The following SRPK2 variants were observed in gnomAD, a reference collection of about 807,000 sequenced individuals.
SRPK2 encodes SRSF protein kinase 2.
In SRPK2, 21 loss-of-function variants were observed where a neutral mutation model predicts 90.8. That is an observed-to-expected ratio of 0.23 (90% CI 0.16 to 0.33). The LOEUF (loss-of-function observed/expected upper bound fraction) is 0.33, where lower values mean the gene tolerates loss of function less well. Ranked by LOEUF, SRPK2 falls within the 10% of genes least tolerant of loss-of-function variation. The pLI, the probability that SRPK2 is intolerant of heterozygous loss-of-function variation, is 1.00. For missense variants in SRPK2, 620 were observed against 869.0 expected, an observed-to-expected ratio of 0.71 and a Z score of 3.60; for synonymous variants, 288 against 311.1, an observed-to-expected ratio of 0.93 and a Z score of 0.78.
chr7:105,333,080 G>A (rs1391358756), intron 2 of SRPK2, among the ~76,000 whole-genome samples: 1 of 152,128 alleles, frequency 6.6e-6, no homozygotes, highest in Non-Finnish European at 1.5e-5. Context: ...TGTAATCCCA[G>A]CCACTTGGGA....
intron 2 of SRPK2, among the ~76,000 whole-genome samples, chr7:105,383,454 TC>T (rs1821190909): frequency 6.6e-6 from 1 of 151,376 alleles, no homozygotes; most frequent in African/African-American, 2.4e-5. Flanking sequence ...GGAGTGTCGC[TC>T]TGTCACCCAG....
At chr7:105,298,088 T>C (rs1810082374) in intron 2 of SRPK2, among the ~76,000 whole-genome samples, 1 of 152,154 alleles carries the variant, frequency 6.6e-6, no homozygotes, top group African/African-American at 2.4e-5. Flanking sequence ...TTCAGCTGGG[T>C]AAGTTTTGAC....
chr7:105,381,716 C>T (rs553470402), intron 2 of SRPK2, among the ~76,000 whole-genome samples: 2 of 151,974 alleles, frequency 1.3e-5, no homozygotes, highest in Non-Finnish European at 2.9e-5. Context: ...GTTGAATAAA[C>T]AAATGTGTAA....
intron 2 of SRPK2, chr7:105,301,641 T>A (rs1346984720): frequency 1.2e-6 from 2 of 1,611,348 alleles, no homozygotes; most frequent in Non-Finnish European, 1.7e-6. Flanking sequence ...AAAATGGTGA[T>A]CCCAAAGCCT....
intron 2 of SRPK2, among the ~76,000 whole-genome samples, chr7:105,228,972 G>A (rs1799079441): frequency 1.3e-5 from 2 of 152,170 alleles, no homozygotes; most frequent in Admixed American, 6.5e-5. Context: ...GCTCACAATA[G>A]TAGTGGTCTC....
chr7:105,227,089 C>T (rs902936998), intron 2 of SRPK2, among the ~76,000 whole-genome samples: 1 of 152,196 alleles, frequency 6.6e-6, no homozygotes, highest in Non-Finnish European at 1.5e-5. Context: ...CCATAAAACA[C>T]TGCTTGGTCC....
chr7:105,386,042 T>C (rs936064941), intron 2 of SRPK2, among the ~76,000 whole-genome samples: 1 of 151,994 alleles, frequency 6.6e-6, no homozygotes. Flanking sequence ...CGGCCGGGCT[T>C]GGTGGCTCAC....
chr7:105,231,939 C>T (rs912701815), intron 2 of SRPK2, among the ~76,000 whole-genome samples: 4 of 152,174 alleles, frequency 2.6e-5, no homozygotes, highest in African/African-American at 9.7e-5. Context: ...CTCACTGTAA[C>T]CTTGAACTCC....
intron 2 of SRPK2, among the ~76,000 whole-genome samples, chr7:105,243,021 T>C (rs1416269754): frequency 6.6e-6 from 1 of 152,164 alleles, no homozygotes; most frequent in African/African-American, 2.4e-5. Context: ...ATTCTTCTTC[T>C]TCCTTTTTAG....
intron 2 of SRPK2, among the ~76,000 whole-genome samples, chr7:105,334,528 T>C (rs564898547): frequency 9.2e-5 from 14 of 152,128 alleles, no homozygotes; most frequent in African/African-American, 3.4e-4. Context: ...GCCCTGATGT[T>C]TCTGGTATTA....
At chr7:105,259,231 T>C (rs1803828704) in intron 2 of SRPK2, among the ~76,000 whole-genome samples, 1 of 152,198 alleles carries the variant, frequency 6.6e-6, no homozygotes, top group African/African-American at 2.4e-5. Context: ...CAAGCATTCC[T>C]ATACACCAAT....
intron 3 of SRPK2, among the ~76,000 whole-genome samples, chr7:105,185,403 T>G (rs1793450190): frequency 6.6e-6 from 1 of 152,030 alleles, no homozygotes; most frequent in African/African-American, 2.4e-5. Flanking sequence ...AAAATATAAC[T>G]AAAAAATTAA....
intron 7 of SRPK2, among the ~76,000 whole-genome samples, chr7:105,159,120 A>G (rs1807025010): frequency 6.6e-6 from 1 of 152,092 alleles, no homozygotes; most frequent in African/African-American, 2.4e-5. Context: ...ATAGAAGACA[A>G]TGTAGTGAAC....
At chr7:105,175,786 A>G (rs1023550664) in intron 3 of SRPK2, among the ~76,000 whole-genome samples, 2 of 152,140 alleles carry the variant, frequency 1.3e-5, no homozygotes, top group Non-Finnish European at 2.9e-5. Flanking sequence ...AAATACCTGA[A>G]AAGTCACAAA....
intron 7 of SRPK2, among the ~76,000 whole-genome samples, chr7:105,159,343 G>T (rs1807063895): frequency 6.7e-6 from 1 of 149,774 alleles, no homozygotes; most frequent in South Asian, 2.1e-4. Flanking sequence ...AAAATTAGCT[G>T]GGTGTGGTAC....
intron 13 of SRPK2, among the ~76,000 whole-genome samples, chr7:105,132,303 C>T (rs1344674593): frequency 6.6e-6 from 1 of 152,214 alleles, no homozygotes; most frequent in Admixed American, 6.5e-5. Flanking sequence ...CTGGGGAAAT[C>T]CCTTCCAGTC....
chr7:105,359,621 T>C (rs962521515), intron 2 of SRPK2, among the ~76,000 whole-genome samples: 1 of 152,194 alleles, frequency 6.6e-6, no homozygotes, highest in Non-Finnish European at 1.5e-5. Flanking sequence ...ATCTTCCTCA[T>C]CGTCTGGCAG....
chr7:105,215,770 T>A (rs1797385874), intron 2 of SRPK2, among the ~76,000 whole-genome samples: 1 of 152,118 alleles, frequency 6.6e-6, no homozygotes, highest in Non-Finnish European at 1.5e-5. Context: ...TTGTATAAAA[T>A]GATTACAATA....
chr7:105,257,194 G>T (rs1278666319), intron 2 of SRPK2, among the ~76,000 whole-genome samples: 4 of 152,122 alleles, frequency 2.6e-5, no homozygotes, highest in Non-Finnish European at 4.4e-5. Flanking sequence ...AAAAAATGCT[G>T]GGTGGATGGA....
Sources: allele counts gnomAD v4.1 joint callset (sites outside exome capture counted in the v4.1 genomes callset), GRCh38; gene constraint gnomAD v4.1.1; transcripts MANE v1.5; gene names NCBI Gene and HGNC (gene_info 2026-07-23, HGNC 2026-07-21).